The following CETN3 variants were observed in gnomAD, a reference collection of about 807,000 sequenced individuals.
The protein encoded by CETN3 is centrin-3.
Under a neutral mutation model 20.1 loss-of-function variants are expected in CETN3, and 17 were observed. That is an observed-to-expected ratio of 0.85 (90% confidence interval 0.58 to 1.27). The LOEUF (loss-of-function observed/expected upper bound fraction) is 1.27. Among genes scored for constraint, CETN3 ranks in the 50% most tolerant of loss-of-function variants. CETN3 has a pLI of 0.00. For missense variants in CETN3, 169 were observed against 191.2 expected, an observed-to-expected ratio of 0.88 and a Z score of 0.69; for synonymous variants, 52 against 59.7, an observed-to-expected ratio of 0.87 and a Z score of 0.59.
At chr5:90,395,191 T>C (rs1254878278) in intron 4 of CETN3, among the ~76,000 whole-genome samples, 1 of 152,116 alleles carries the variant, frequency 6.6e-6, no homozygotes, top group East Asian at 1.9e-4. Flanking sequence ...AATACTCCAT[T>C]GAATCAAACA....
At position 90,392,367 on chromosome 5, in the gene CETN3, C is replaced by G. The variant is rs530404996; in HGVS notation, c.*1697G>C. 10 of 152,204 alleles carry G rather than the reference C, an allele frequency of 6.6e-5. No individual in the cohort carries two copies. The highest frequency in any genetic ancestry group is 2.2e-4 in the African/African-American group (9 of 41,514). 9.4% of individuals were successfully genotyped at this position (152,204 alleles called of 1,614,324 possible). ...GACAAAAATTTTTTAATTTCAAGGT[C>G]TGTTGCCCTGAATATAATGACTGTG... On this transcript the variant is annotated 3_prime_UTR_variant, in exon 5 of 5. Coordinates refer to ENST00000283122, the MANE Select transcript of CETN3 (RefSeq NM_004365.4).
At chr5:90,398,458 G>T (rs897498081) in intron 4 of CETN3, among the ~76,000 whole-genome samples, 8 of 152,172 alleles carry the variant, frequency 5.3e-5, no homozygotes, top group Non-Finnish European at 1.0e-4. Flanking sequence ...GAAAAAGATG[G>T]TGTTTAATAT....
chr5:90,404,550 G>A (rs946283171), intron 3 of CETN3, among the ~76,000 whole-genome samples: 16 of 152,170 alleles, frequency 1.1e-4, no homozygotes, highest in Admixed American at 6.5e-4. Flanking sequence ...CAATGGACAA[G>A]TTGCCTCTCT....
rs1307018709 is a variant in CETN3, at chr5:90,409,745, G to A, written c.-84C>T. 14 of 1,520,294 alleles carry A rather than the reference G, an allele frequency of 9.2e-6. No individual in the cohort carries two copies. The highest frequency in any genetic ancestry group is 9.0e-5 in the East Asian group (4 of 44,412). 94.2% of individuals were successfully genotyped at this position (1,520,294 alleles called of 1,614,324 possible). Reference sequence around the variant, plus strand: ...GCAAGACGCCCACAGCCGTTCAACAGACACGAACGACCTCAGCGGCCTCAG... The same window carrying A: ...GCAAGACGCCCACAGCCGTTCAACAAACACGAACGACCTCAGCGGCCTCAG... On this transcript the variant is annotated 5_prime_UTR_variant, in exon 1 of 5. Transcript: ENST00000283122.
At position 90,393,296 on chromosome 5, in the gene CETN3, A is replaced by G. The variant is rs1034520244; in HGVS notation, c.*768T>C. On this transcript the variant is annotated 3_prime_UTR_variant, in exon 5 of 5. Coordinates refer to ENST00000283122, the MANE Select transcript of CETN3 (RefSeq NM_004365.4). ...GTAATTGAGTGATAATTACCTTAAC[A>G]AATCAAAATTCCAAAATTTAAATCT... 2 of 152,306 alleles carry G rather than the reference A, an allele frequency of 1.3e-5. No individual in the cohort carries two copies. The highest frequency in any genetic ancestry group is 4.8e-5 in the African/African-American group (2 of 41,572). 9.4% of individuals were successfully genotyped at this position (152,306 alleles called of 1,614,324 possible). A position where few individuals can be genotyped will look rare whatever the true frequency, so the allele number is the denominator to read the frequency against.
intron 3 of CETN3, among the ~76,000 whole-genome samples, chr5:90,402,468 G>A (rs988135283): frequency 6.6e-6 from 1 of 152,112 alleles, no homozygotes; most frequent in East Asian, 1.9e-4. Flanking sequence ...ATTCTTTGTT[G>A]TTGCTGCTTT....
chr5:90,394,170 G>A (rs569348377), intron 4 of CETN3, 63 bp from the exon 5 acceptor site: 10 of 1,128,098 alleles, frequency 8.9e-6, no homozygotes, highest in South Asian at 1.4e-5. Flanking sequence ...CAGAATCCAC[G>A]ACTACCATTT....
chr5:90,407,234 A>G (rs1749475490), intron 2 of CETN3, among the ~76,000 whole-genome samples: 1 of 152,152 alleles, frequency 6.6e-6, no homozygotes, highest in Non-Finnish European at 1.5e-5. Flanking sequence ...AGCATGTGTC[A>G]ACATCAAACA....
At chr5:90,396,542 A>AAG (rs1306108069) in intron 4 of CETN3, 4 of 1,533,626 alleles carry the variant, frequency 2.6e-6, no homozygotes, top group Non-Finnish European at 3.5e-6. Context: ...ACCAAATAGG[A>AAG]AGCAAGAGTA....
rs1412535055 is a variant in CETN3 at position 90,393,595 on chromosome 5, T to C, written c.*469A>G. ...GGTAATGGAAAAATGTGCCACTCTA[T>C]TGCTAATTGTATTTCAATTTTTGTT... On this transcript the variant is annotated 3_prime_UTR_variant, in exon 5 of 5. Coordinates refer to ENST00000283122, the MANE Select transcript of CETN3 (RefSeq NM_004365.4). The C allele has an allele frequency of 6.6e-6, 1 of 152,284 alleles. No homozygotes were observed. Among genetic ancestry groups the C allele is most frequent in the Non-Finnish European group, 1.5e-5 (1 of 68,104 alleles). 9.4% of individuals were successfully genotyped at this position (152,284 alleles called of 1,614,324 possible). A position where few individuals can be genotyped will look rare whatever the true frequency, so the allele number is the denominator to read the frequency against.
chr5:90,405,795 G>C lies in CETN3; in HGVS notation c.158C>G (p.Ala53Gly). The C allele has an allele frequency of 6.3e-7, 1 of 1,596,482 alleles. No homozygotes were observed. The highest frequency in any genetic ancestry group is 8.6e-7 in the Non-Finnish European group (1 of 1,169,522). ...EAIDYHELKV[A>G]MRALGFDVKK... The stretch of plus-strand genomic sequence containing the variant: ...TACATCAAACCCCAAGGCTCTCATT[G>C]CCACCTTTTGGATTAAAAAGGAAAA... The change falls in exon 3 of 5, where the codon GCA becomes GGA. Residue 53 changes from alanine to glycine, a missense_variant. Ala to Gly is a moderately conservative substitution (Grantham distance 60). Transcript: ENST00000283122.
At position 90,399,604 on chromosome 5, in the gene CETN3, C is replaced by G. The variant is rs1454188936; in HGVS notation, c.269-55G>C. 4.4e-6 allele frequency: 6 copies of G among 1,369,810 alleles called. No individual in the cohort carries two copies. In the Admixed American group the frequency reaches 1.1e-4, roughly 24 times the overall value. 84.9% of individuals were successfully genotyped at this position (1,369,810 alleles called of 1,614,324 possible). A position where few individuals can be genotyped will look rare whatever the true frequency, so the allele number is the denominator to read the frequency against. Reference sequence around the variant, plus strand: ...AAACCTGCATAATCACAAAGGCATTCATTTGTGAAATCAACTAAATATTAG... The same window carrying G: ...AAACCTGCATAATCACAAAGGCATTGATTTGTGAAATCAACTAAATATTAG... On this transcript the variant is annotated intron_variant, in intron 3 of 4. Coordinates refer to ENST00000283122, the MANE Select transcript of CETN3 (RefSeq NM_004365.4).
At chr5:90,395,489 G>A (rs533636360) in intron 4 of CETN3, among the ~76,000 whole-genome samples, 10 of 152,028 alleles carry the variant, frequency 6.6e-5, no homozygotes, top group Non-Finnish European at 1.3e-4. Flanking sequence ...ACCGGGTTAT[G>A]AGACTGGCTA....
chr5:90,396,545 C>A, intron 4 of CETN3: 1 of 1,533,122 alleles, frequency 6.5e-7, no homozygotes, highest in Non-Finnish European at 8.7e-7. Flanking sequence ...AAATAGGAAG[C>A]AAGAGTATGT....
At chr5:90,405,651 A>C (rs1580164557) in intron 3 of CETN3, 34 bp downstream of exon 3, 2 of 1,328,730 alleles carry the variant, frequency 1.5e-6, no homozygotes, top group Non-Finnish European at 2.2e-6. Context: ...ATTTCCTAAC[A>C]GCTGCTGATT....
At chr5:90,399,688 TC>T in intron 3 of CETN3, 139 bp from the exon 4 acceptor site, 1 of 658,878 alleles carries the variant, frequency 1.5e-6, no homozygotes, top group South Asian at 2.2e-5. Context: ...TCAAATGAGA[TC>T]CCCAAACCCC....
At chr5:90,406,849 A>C (rs1386405035) in intron 2 of CETN3, among the ~76,000 whole-genome samples, 1 of 144,802 alleles carries the variant, frequency 6.9e-6, no homozygotes, top group Non-Finnish European at 1.5e-5. Context: ...CCAAAAAAAA[A>C]AAAAAACAAA....
chr5:90,401,942 G>A (rs1050764567), intron 3 of CETN3, among the ~76,000 whole-genome samples: 2 of 152,120 alleles, frequency 1.3e-5, no homozygotes, highest in African/African-American at 4.8e-5. Context: ...CTCAACTCCT[G>A]GGCTCAAGCA....
rs759612509 is a variant in CETN3, at chr5:90,399,482, A to G, written c.336T>C (p.Asp112=). The G allele has an allele frequency of 1.2e-6, 2 of 1,613,878 alleles. No individual in the cohort carries two copies. The highest frequency in any genetic ancestry group is 1.1e-5 in the South Asian group (1 of 91,078). The part of the protein sequence containing the change: ...EILKAFKLFD[D]DDSGKISLRN... ...TCAAGCTTATTTTACCTGAATCATC[A>G]TCATCAAATAGTTTAAATGCCTTGA... is the stretch of plus-strand genomic sequence containing the variant. Residue 112 remains aspartate (D), a synonymous_variant, in exon 4 of 5, where the codon GAT becomes GAC. Coordinates refer to ENST00000283122, the MANE Select transcript of CETN3 (RefSeq NM_004365.4).
Sources: allele counts gnomAD v4.1 joint callset (sites outside exome capture counted in the v4.1 genomes callset), GRCh38; gene constraint gnomAD v4.1.1; transcripts MANE v1.5; gene names NCBI Gene and HGNC (gene_info 2026-07-23, HGNC 2026-07-21).